HECW1: variants seen among roughly 807,000 people sequenced by gnomAD.
The protein encoded by HECW1 is E3 ubiquitin-protein ligase HECW1.
HECW1 carries 61 observed loss-of-function variants against 182.3 expected under a neutral mutation model. The ratio of observed to expected loss-of-function variants is 0.33; its 90% CI spans 0.27 to 0.41. HECW1 has a LOEUF of 0.41. Ranked by LOEUF, HECW1 falls within the 10% of genes least tolerant of loss-of-function variation. HECW1 has a pLI of 1.00. For synonymous variants in HECW1, 859 were observed against 832.6 expected, an observed-to-expected ratio of 1.03 and a Z score of -0.55; for missense variants, 1,739 against 2,108.9, an observed-to-expected ratio of 0.82 and a Z score of 3.44.
chr7:43,326,375 T>C (rs1810790077), intron 5 of HECW1, among the ~76,000 whole-genome samples: 1 of 152,238 alleles, frequency 6.6e-6, no homozygotes, highest in Non-Finnish European at 1.5e-5. Flanking sequence ...CAGTGGCTTC[T>C]AAGCCAGAGG....
chr7:43,158,877 C>A (rs75376470), intron 2 of HECW1, among the ~76,000 whole-genome samples: 2,385 of 152,274 alleles, frequency 0.016, 55 homozygotes, highest in African/African-American at 0.054. Context: ...GACTTATGCA[C>A]CAAGAGAGAG....
chr7:43,437,272 G>T (rs2076743070), intron 8 of HECW1, among the ~76,000 whole-genome samples: 1 of 152,102 alleles, frequency 6.6e-6, no homozygotes, highest in South Asian at 2.1e-4. Context: ...TTTAACGAAG[G>T]CAGAGTTCTC....
Position 43,304,157 on chromosome 7 carries a change from A to G in HECW1, c.28-7606A>G, listed in dbSNP as rs569181183. The stretch of plus-strand genomic sequence containing the variant: ...TTTCTGCTTTTAGACTGTTAGGACC[A>G]GCAGGGCCCAGCAGCAAGTAGAGCT... On this transcript the variant is annotated intron_variant, in intron 3 of 29. Coordinates refer to ENST00000395891, the MANE Select transcript of HECW1 (RefSeq NM_015052.5). 2.4e-3 allele frequency among the ~76,000 whole-genome samples: 362 copies of G among 152,256 alleles called. 2 individuals carry two copies. Among genetic ancestry groups the G allele is most frequent in the Non-Finnish European group, 4.2e-3 (284 of 68,014 alleles).
intron 3 of HECW1, among the ~76,000 whole-genome samples, chr7:43,270,072 A>C (rs1802223189): frequency 6.6e-6 from 1 of 152,212 alleles, no homozygotes; most frequent in Non-Finnish European, 1.5e-5. Context: ...GTGCTCAATA[A>C]TTGTTGGATT....
intron 2 of HECW1, among the ~76,000 whole-genome samples, chr7:43,131,228 G>A (rs1786882275): frequency 1.3e-5 from 2 of 152,182 alleles, no homozygotes; most frequent in Admixed American, 1.3e-4. Context: ...TCTTGCCACT[G>A]CACTCCAGCC....
intron 17 of HECW1, among the ~76,000 whole-genome samples, chr7:43,490,995 C>G (rs548257828): frequency 2.6e-5 from 4 of 152,292 alleles, no homozygotes; most frequent in African/African-American, 9.6e-5. Context: ...TCAAGTGATC[C>G]ACCTGCCTCA....
chr7:43,247,990 AAGG>A (rs1799599882), intron 3 of HECW1, among the ~76,000 whole-genome samples: 1 of 135,618 alleles, frequency 7.4e-6, no homozygotes, highest in Non-Finnish European at 1.6e-5. Flanking sequence ...AGGAAGGAAG[AAGG>A]AAGGAAGGAA....
chr7:43,375,273 T>TAGCCTA, intron 6 of HECW1, among the ~76,000 whole-genome samples: 1 of 151,876 alleles, frequency 6.6e-6, no homozygotes, highest in Non-Finnish European at 1.5e-5. Context: ...AAGATGTGCT[T>TAGCCTA]GGTAAGATGT....
intron 5 of HECW1, among the ~76,000 whole-genome samples, chr7:43,330,313 A>T (rs1811309141): frequency 6.6e-6 from 1 of 152,162 alleles, no homozygotes; most frequent in East Asian, 1.9e-4. Flanking sequence ...GTGTGACAAG[A>T]GCATGCTGGC....
intron 2 of HECW1, among the ~76,000 whole-genome samples, chr7:43,240,716 G>T (rs1000962051): frequency 6.6e-6 from 1 of 152,224 alleles, no homozygotes; most frequent in South Asian, 2.1e-4. Context: ...GCCAGTCAGC[G>T]TTGATGAGTA....
At chr7:43,433,436 G>A (rs2076613412) in intron 8 of HECW1, among the ~76,000 whole-genome samples, 1 of 152,192 alleles carries the variant, frequency 6.6e-6, no homozygotes, top group Non-Finnish European at 1.5e-5. Context: ...CCCAGTAATG[G>A]GTACTATTGT....
At chr7:43,471,208 A>C (rs2078009149) in intron 16 of HECW1, among the ~76,000 whole-genome samples, 1 of 152,226 alleles carries the variant, frequency 6.6e-6, no homozygotes, top group South Asian at 2.1e-4. Flanking sequence ...GCCCATTGAT[A>C]AGGGGAATAG....
intron 24 of HECW1, among the ~76,000 whole-genome samples, chr7:43,514,883 C>T (rs2080068908): frequency 6.6e-6 from 1 of 152,078 alleles, no homozygotes; most frequent in South Asian, 2.1e-4. Context: ...GAGGTGCAGA[C>T]ATAAACAAAG....
chr7:43,466,634 G>C, intron 15 of HECW1, 66 bp downstream of exon 15: 1 of 1,543,064 alleles, frequency 6.5e-7, no homozygotes, highest in Non-Finnish European at 8.8e-7. Flanking sequence ...GCTTTGTAAA[G>C]TCATCTGATA....
Position 43,150,888 on chromosome 7 carries a change from G to GC in HECW1, c.-32+36504dup, listed in dbSNP as rs765040607. ...GAAGGACTTCAGCATCTTTATCAGC[G>GC]CCCCCCCACACAGACGGCAGCTGCG... On this transcript the variant is annotated intron_variant, in intron 2 of 29. Transcript: ENST00000395891. 2.2e-4 allele frequency: 34 copies of GC among 154,762 alleles called. No individual in the cohort carries two copies. In the Middle Eastern group the frequency reaches 6.8e-3, roughly 31 times the overall value. The allele number at this position is 154,762 out of a possible 1,614,324, so 9.6% of individuals were successfully genotyped here.
At chr7:43,348,813 T>C (rs910187110) in intron 5 of HECW1, among the ~76,000 whole-genome samples, 5 of 152,214 alleles carry the variant, frequency 3.3e-5, no homozygotes, top group Non-Finnish European at 7.3e-5. Flanking sequence ...TGTATTTGCA[T>C]GGTTTTAAAG....
intron 26 of HECW1, among the ~76,000 whole-genome samples, chr7:43,546,219 CTTTTTTTT>C (rs34255651): frequency 2.2e-5 from 2 of 91,892 alleles, no homozygotes; most frequent in African/African-American, 4.2e-5. Context: ...TACCCCCAAC[CTTTTTTTT>C]TTTTTTTTTT....
rs1047529858 is a variant in HECW1, at chr7:43,562,859, T to C, written c.*933T>C. ...CCTTGGTTTGAATCCCTGAGTTCTG[T>C]ACTGTTCTGTTTTGTTTAGTCTAGC... On this transcript the variant is annotated 3_prime_UTR_variant, in exon 30 of 30. Transcript: ENST00000395891. 2.3e-5 allele frequency: 5 copies of C among 217,756 alleles called. No homozygotes were observed. The highest frequency in any genetic ancestry group is 3.7e-5 in the Non-Finnish European group (4 of 108,350). 13.5% of individuals were successfully genotyped at this position (217,756 alleles called of 1,614,324 possible).
intron 2 of HECW1, among the ~76,000 whole-genome samples, chr7:43,230,398 A>G (rs1441139788): frequency 6.6e-6 from 1 of 152,130 alleles, no homozygotes; most frequent in Non-Finnish European, 1.5e-5. Flanking sequence ...TGTCTCAAAA[A>G]TAAATAAATA....
Sources: allele counts gnomAD v4.1 joint callset (sites outside exome capture counted in the v4.1 genomes callset), GRCh38; gene constraint gnomAD v4.1.1; transcripts MANE v1.5; gene names NCBI Gene and HGNC (gene_info 2026-07-23, HGNC 2026-07-21).